Variants in SSPN observed in about 807,000 individuals in gnomAD.
The protein encoded by SSPN is sarcospan.
SSPN carries 15 observed loss-of-function variants against 19.1 expected under a neutral mutation model. The observed-to-expected ratio is 0.78, with a 90% CI of 0.52 to 1.21. The LOEUF (loss-of-function observed/expected upper bound fraction) is 1.21. Among genes scored for constraint, SSPN ranks in the 50% most tolerant of loss-of-function variants. The pLI is 0.00. For missense variants in SSPN, 291 were observed against 314.0 expected (o/e 0.93, Z 0.55); for synonymous variants, 147 against 140.3 (o/e 1.05, Z -0.34).
intron 1 of SSPN, among the ~76,000 whole-genome samples, chr12:26,148,875 G>A (rs150754877): frequency 1.7e-3 from 262 of 152,242 alleles, no homozygotes; most frequent in African/African-American, 6.2e-3. Context: ...GATCTCATCT[G>A]TATTATCACA....
At chr12:26,201,515 G>A (rs758657814) in intron 1 of SSPN, among the ~76,000 whole-genome samples, 13 of 149,286 alleles carry the variant, frequency 8.7e-5, no homozygotes, top group Middle Eastern at 3.2e-3. Flanking sequence ...ATGTGTTTTC[G>A]CCTCTACTTA....
At chr12:26,134,131 C>T (rs1001734663) in intron 1 of SSPN, among the ~76,000 whole-genome samples, 9 of 152,190 alleles carry the variant, frequency 5.9e-5, no homozygotes, top group African/African-American at 2.2e-4. Context: ...TCTCATCACT[C>T]ATTTCTCTGC....
chr12:26,144,854 C>T (rs544881517), intron 1 of SSPN, among the ~76,000 whole-genome samples: 3 of 152,286 alleles, frequency 2.0e-5, no homozygotes, highest in East Asian at 1.9e-4. Flanking sequence ...TTATATTATT[C>T]GTAGTCTAAA....
chr12:26,232,624 A>T lies in SSPN; in HGVS notation c.*1548A>T, dbSNP rs1945245155. ...AGAAGAAAGTGGAATAATTCCACTG[A>T]TTGTGATAATGGTTTCAATTTCTAC... On this transcript the variant is annotated 3_prime_UTR_variant, in exon 3 of 3. Coordinates refer to ENST00000242729, the MANE Select transcript of SSPN (RefSeq NM_005086.5). 1.0e-6 allele frequency: 1 copy of T among 984,876 alleles called. No individual in the cohort carries two copies. The highest frequency in any genetic ancestry group is 1.7e-5 in the African/African-American group (1 of 57,222). The allele number at this position is 984,876 out of a possible 1,614,324, so 61.0% of individuals were successfully genotyped here. A position where few individuals can be genotyped will look rare whatever the true frequency, so the allele number is the denominator to read the frequency against.
intron 1 of SSPN, among the ~76,000 whole-genome samples, chr12:26,162,544 T>C (rs1944595727): frequency 6.6e-6 from 1 of 152,246 alleles, no homozygotes; most frequent in Non-Finnish European, 1.5e-5. Flanking sequence ...CTGAGGAAAG[T>C]AAAGCTAACC....
At chr12:26,143,350 A>G (rs1261232132) in intron 1 of SSPN, among the ~76,000 whole-genome samples, 1 of 152,238 alleles carries the variant, frequency 6.6e-6, no homozygotes, top group Non-Finnish European at 1.5e-5. Flanking sequence ...TGTTCTGTTG[A>G]ATGCTTTATA....
At chr12:26,202,580 A>G (rs1206903109) in intron 1 of SSPN, among the ~76,000 whole-genome samples, 1 of 152,202 alleles carries the variant, frequency 6.6e-6, no homozygotes, top group Admixed American at 6.5e-5. Flanking sequence ...AAACAATGGC[A>G]TAGGTTTCTC....
intron 1 of SSPN, among the ~76,000 whole-genome samples, chr12:26,137,358 T>C (rs1437627930): frequency 6.6e-6 from 1 of 152,084 alleles, no homozygotes; most frequent in African/African-American, 2.4e-5. Flanking sequence ...ATGATTTTTG[T>C]TTAGAGAAGC....
At position 26,198,166 on chromosome 12, in the gene SSPN, T is replaced by TGG. The variant is rs112034883; in HGVS notation, c.279+2223_279+2224dup. On this transcript the variant is annotated intron_variant, in intron 1 of 2. Coordinates refer to ENST00000242729, the MANE Select transcript of SSPN (RefSeq NM_005086.5). ...CTGTGTGCTGAATAACTTTGAGTTT[T>TGG]GGGGGGGGGTTTTTGGAGACAGAGA... 3.3e-3 allele frequency among the ~76,000 whole-genome samples: 492 copies of TGG among 149,278 alleles called. 3 individuals carry two copies. The highest frequency in any genetic ancestry group is 0.011 in the African/African-American group (451 of 41,250).
At chr12:26,179,293 G>A (rs566595608) in intron 1 of SSPN, among the ~76,000 whole-genome samples, 21 of 152,266 alleles carry the variant, frequency 1.4e-4, no homozygotes, top group Non-Finnish European at 2.4e-4. Flanking sequence ...AGGTGAGGGC[G>A]GAGGGGCCAG....
intron 1 of SSPN, chr12:26,181,220 C>G (rs1373829034): frequency 6.6e-6 from 1 of 152,162 alleles, no homozygotes; most frequent in Non-Finnish European, 1.5e-5. Context: ...GTTTACTACT[C>G]ATTTTTTTTT....
At chr12:26,199,552 C>A (rs1944860031) in intron 1 of SSPN, among the ~76,000 whole-genome samples, 1 of 152,148 alleles carries the variant, frequency 6.6e-6, no homozygotes, top group South Asian at 2.1e-4. Context: ...TACAGAGGAT[C>A]CTAGGACAGA....
chr12:26,159,435 C>A (rs1193924857), intron 1 of SSPN, among the ~76,000 whole-genome samples: 1 of 152,198 alleles, frequency 6.6e-6, no homozygotes. Context: ...ATCAGGAGAG[C>A]CCATAGTGTC....
intron 1 of SSPN, among the ~76,000 whole-genome samples, chr12:26,210,984 C>T (rs1330506326): frequency 2.6e-5 from 4 of 151,850 alleles, no homozygotes; most frequent in Non-Finnish European, 4.4e-5. Flanking sequence ...GTAAGGAATA[C>T]GAAAAAGGTA....
intron 1 of SSPN, among the ~76,000 whole-genome samples, chr12:26,141,584 C>T (rs1238567419): frequency 6.6e-6 from 1 of 152,134 alleles, no homozygotes; most frequent in Admixed American, 6.6e-5. Flanking sequence ...ATTTGGATTA[C>T]CAGAATCTCC....
At chr12:26,164,284 T>C (rs1407929341) in intron 1 of SSPN, among the ~76,000 whole-genome samples, 1 of 152,248 alleles carries the variant, frequency 6.6e-6, no homozygotes, top group Non-Finnish European at 1.5e-5. Flanking sequence ...CAAGAACTTA[T>C]TATGTCATAT....
At chr12:26,202,233 CGTG>C (rs1944893003) in intron 1 of SSPN, among the ~76,000 whole-genome samples, 1 of 151,972 alleles carries the variant, frequency 6.6e-6, no homozygotes, top group Admixed American at 6.6e-5. Flanking sequence ...GTTTTTGATC[CGTG>C]GTTGATTATA....
intron 1 of SSPN, chr12:26,124,866 G>T: frequency 7.8e-7 from 1 of 1,276,944 alleles, no homozygotes; most frequent in Non-Finnish European, 1.1e-6. Context: ...GACCTTGGGG[G>T]GATCTGTGCG....
upstream of SSPN, among the ~76,000 whole-genome samples, chr12:26,190,502 T>C (rs1349873977): frequency 6.6e-6 from 1 of 152,170 alleles, no homozygotes; most frequent in Non-Finnish European, 1.5e-5. Context: ...AGTCGAGAGA[T>C]AACAGGAAGA....
Sources: gnomAD v4.1 joint callset for allele counts (sites outside exome capture counted in the v4.1 genomes callset) on GRCh38, gnomAD v4.1.1 for gene constraint, MANE v1.5 for transcripts, NCBI Gene and HGNC (gene_info 2026-07-23, HGNC 2026-07-21) for gene names.